The following WDR7 variants were observed in gnomAD, a reference collection of about 807,000 sequenced individuals.
The protein encoded by WDR7 is WD repeat domain 7.
Under a neutral mutation model 169.4 loss-of-function variants are expected in WDR7, and 46 were observed. The observed-to-expected ratio is 0.27, with a 90% CI of 0.21 to 0.35. WDR7 has a LOEUF of 0.35. Among genes scored for constraint, WDR7 ranks in the 10% least tolerant of loss-of-function variants. The pLI, the probability that WDR7 is intolerant of heterozygous loss-of-function variation, is 1.00. For synonymous variants in WDR7, 612 were observed against 666.8 expected (o/e 0.92, Z 1.27); for missense variants, 1,534 against 1,859.3 (o/e 0.83, Z 3.22).
At chr18:56,864,317 T>C (rs969633432) in intron 20 of WDR7, among the ~76,000 whole-genome samples, 1 of 151,622 alleles carries the variant, frequency 6.6e-6, no homozygotes, top group Non-Finnish European at 1.5e-5. Context: ...GAAATGTTTA[T>C]ATAATGTCAT....
At chr18:56,674,737 G>T (rs633235) in intron 2 of WDR7, among the ~76,000 whole-genome samples, 1 of 152,256 alleles carries the variant, frequency 6.6e-6, no homozygotes, top group Middle Eastern at 3.4e-3. Context: ...CTAAGAAACC[G>T]TTGCTAAATC....
intron 4 of WDR7, among the ~76,000 whole-genome samples, chr18:56,682,406 A>G (rs1225679500): frequency 6.6e-6 from 1 of 152,228 alleles, no homozygotes; most frequent in Non-Finnish European, 1.5e-5. Flanking sequence ...AAAAACAATT[A>G]TCACGAATTC....
intron 26 of WDR7, among the ~76,000 whole-genome samples, chr18:57,009,597 T>C (rs2048110468): frequency 6.6e-6 from 1 of 152,180 alleles, no homozygotes; most frequent in African/African-American, 2.4e-5. Flanking sequence ...AATTTCTAAA[T>C]CTGTAATGTG....
At chr18:56,972,793 G>A (rs2047508567) in intron 26 of WDR7, among the ~76,000 whole-genome samples, 1 of 152,124 alleles carries the variant, frequency 6.6e-6, no homozygotes, top group African/African-American at 2.4e-5. Context: ...CCGTGTGGAG[G>A]AGTATTTCTC....
intron 26 of WDR7, among the ~76,000 whole-genome samples, chr18:57,014,118 G>C (rs567116290): frequency 1.3e-5 from 2 of 152,136 alleles, no homozygotes; most frequent in East Asian, 3.9e-4. Context: ...TTGGGGTCAG[G>C]AGTTCAAGAC....
At position 56,731,699 on chromosome 18, in the gene WDR7, C is replaced by T. The variant is rs559735283; in HGVS notation, c.1989+102C>T. On this transcript the variant is annotated intron_variant, in intron 14 of 27. Coordinates refer to ENST00000254442, the MANE Select transcript of WDR7 (RefSeq NM_015285.3). ...TAGAAAATAATTTTTGAGAAATGAC[C>T]CTTGAAAAATAAACTTTTGATTTTC... 2.0e-5 allele frequency: 21 copies of T among 1,040,084 alleles called. No homozygotes were observed. The African/African-American group carries it at 2.9e-4, about 14-fold the overall frequency. The allele number at this position is 1,040,084 out of a possible 1,614,324, so 64.4% of individuals were successfully genotyped here. A position where few individuals can be genotyped will look rare whatever the true frequency, so the allele number is the denominator to read the frequency against.
chr18:57,008,036 C>A (rs151310009), intron 26 of WDR7, among the ~76,000 whole-genome samples: 54 of 152,254 alleles, frequency 3.5e-4, no homozygotes, highest in African/African-American at 1.2e-3. Flanking sequence ...TCCTCACTCT[C>A]TAACATATTT....
At chr18:56,922,161 A>T (rs2046734481) in intron 21 of WDR7, among the ~76,000 whole-genome samples, 1 of 152,208 alleles carries the variant, frequency 6.6e-6, no homozygotes. Flanking sequence ...AATGGTAGAT[A>T]ACTAGACATT....
chr18:56,809,126 G>A (rs2044825814), intron 19 of WDR7, among the ~76,000 whole-genome samples: 1 of 151,948 alleles, frequency 6.6e-6, no homozygotes, highest in Non-Finnish European at 1.5e-5. Flanking sequence ...CTCATTTATT[G>A]AGAACTGTTG....
At chr18:56,955,570 G>T (rs2047239538) in intron 25 of WDR7, among the ~76,000 whole-genome samples, 1 of 152,028 alleles carries the variant, frequency 6.6e-6, no homozygotes, top group African/African-American at 2.4e-5. Context: ...CATGTTATTA[G>T]TTGACACTTA....
At chr18:56,915,985 G>A (rs1283826307) in intron 21 of WDR7, among the ~76,000 whole-genome samples, 1 of 152,118 alleles carries the variant, frequency 6.6e-6, no homozygotes, top group African/African-American at 2.4e-5. Flanking sequence ...TCCACTGCCT[G>A]TCACTGTCTT....
intron 20 of WDR7, among the ~76,000 whole-genome samples, chr18:56,847,757 G>A (rs1322611461): frequency 2.0e-5 from 3 of 152,192 alleles, no homozygotes; most frequent in Non-Finnish European, 4.4e-5. Context: ...TACAACTCAG[G>A]CCATCATTCC....
chr18:56,813,179 A>AT (rs1413739426), intron 19 of WDR7, among the ~76,000 whole-genome samples: 1 of 140,442 alleles, frequency 7.1e-6, no homozygotes. Flanking sequence ...TTAGAGTATA[A>AT]TAAAAAAAAA....
At chr18:56,772,698 A>G (rs184395692) in intron 16 of WDR7, among the ~76,000 whole-genome samples, 183 of 151,394 alleles carry the variant, frequency 1.2e-3, no homozygotes, top group African/African-American at 4.1e-3. Flanking sequence ...TATCATATAA[A>G]ATATACCTAT....
intron 21 of WDR7, among the ~76,000 whole-genome samples, chr18:56,882,164 A>G (rs1406573166): frequency 2.0e-5 from 3 of 152,166 alleles, no homozygotes; most frequent in African/African-American, 7.2e-5. Context: ...CCATTCCTAA[A>G]ACCTTGCTTA....
At chr18:56,752,256 C>T (rs554034991) in intron 14 of WDR7, among the ~76,000 whole-genome samples, 9 of 152,178 alleles carry the variant, frequency 5.9e-5, no homozygotes, top group African/African-American at 2.2e-4. Flanking sequence ...TTGCATTCTC[C>T]ATCTTGGACA....
At chr18:56,867,727 T>C (rs2045901898) in intron 20 of WDR7, among the ~76,000 whole-genome samples, 1 of 152,168 alleles carries the variant, frequency 6.6e-6, no homozygotes, top group African/African-American at 2.4e-5. Flanking sequence ...TCCAAATCCA[T>C]AGTTGTAATA....
intron 20 of WDR7, among the ~76,000 whole-genome samples, chr18:56,822,216 T>C (rs2045111764): frequency 6.6e-6 from 1 of 152,216 alleles, no homozygotes; most frequent in South Asian, 2.1e-4. Flanking sequence ...TGTTGTAACA[T>C]AATAATATAA....
intron 20 of WDR7, among the ~76,000 whole-genome samples, chr18:56,875,307 T>A (rs942530385): frequency 2.6e-5 from 4 of 152,186 alleles, no homozygotes; most frequent in Admixed American, 2.0e-4. Flanking sequence ...TTCCCGTGTC[T>A]TCTGTTTAAC....
Sources: gnomAD v4.1 joint callset for allele counts (sites outside exome capture counted in the v4.1 genomes callset) on GRCh38, gnomAD v4.1.1 for gene constraint, MANE v1.5 for transcripts, NCBI Gene and HGNC (gene_info 2026-07-23, HGNC 2026-07-21) for gene names.